IL18RAP: variants seen among roughly 807,000 people sequenced by gnomAD.
IL18RAP encodes the protein interleukin-18 receptor accessory protein.
In IL18RAP, 37 loss-of-function variants were observed where a neutral mutation model predicts 58.1. The ratio of observed to expected loss-of-function variants is 0.64; its 90% CI spans 0.49 to 0.84. IL18RAP has a LOEUF of 0.84. IL18RAP is among the 40% of genes least tolerant of loss of function. The pLI is 0.00. For synonymous variants in IL18RAP, 268 were observed against 257.5 expected, an observed-to-expected ratio of 1.04 and a Z score of -0.39; for missense variants, 667 against 704.8, an observed-to-expected ratio of 0.95 and a Z score of 0.61.
At position 102,424,143 on chromosome 2, in the gene IL18RAP, C is replaced by T. The variant is rs1681771882; in HGVS notation, c.395+8C>T. Reference sequence around the variant, plus strand: ...TAGACCCAAGATGATTAAGTATGATCCAAATACATTTCTATCTGAAAACAT... The same window carrying T: ...TAGACCCAAGATGATTAAGTATGATTCAAATACATTTCTATCTGAAAACAT... On this transcript the variant is annotated splice_region_variant and intron_variant, in intron 2 of 9. Transcript: ENST00000687160. The T allele has an allele frequency of 1.2e-6, 2 of 1,607,970 alleles. No individual in the cohort carries two copies. Among genetic ancestry groups the T allele is most frequent in the Non-Finnish European group, 1.7e-6 (2 of 1,175,796 alleles).
intron 3 of IL18RAP, among the ~76,000 whole-genome samples, chr2:102,432,531 G>A (rs1382508033): frequency 2.0e-5 from 3 of 152,206 alleles, no homozygotes; most frequent in African/African-American, 4.8e-5. Flanking sequence ...AGTTATCTGG[G>A]ATTGCTGCTC....
chr2:102,431,844 AT>A (rs1211376595), intron 3 of IL18RAP, among the ~76,000 whole-genome samples: 1 of 151,818 alleles, frequency 6.6e-6, no homozygotes. Context: ...AATTTATTTT[AT>A]TTTTATACAT....
In IL18RAP at chr2:102,437,246, G is replaced by A. The variant is rs1388254813; in HGVS notation, c.614G>A (p.Arg205Gln). ...GKLLSVERSNRIVVDEVYDYH... is the reference protein window; with the variant it reads ...GKLLSVERSNQIVVDEVYDYH... ...CTCCTCTCTGTGGAAAGGAGCAACC[G>A]AATCGTAGTGGATGAAGTTTATGAC... The change falls in exon 4 of 10, where the codon CGA becomes CAA. Residue 205 changes from arginine to glutamine, a missense_variant. Physicochemically the swap from Arg to Gln is conservative, Grantham distance 43 (BLOSUM62 1). Coordinates refer to ENST00000687160, the MANE Select transcript of IL18RAP (RefSeq NM_001393487.1). The A allele has an allele frequency of 2.1e-5, 34 of 1,612,694 alleles. No individual in the cohort carries two copies. Among genetic ancestry groups the A allele is most frequent in the Admixed American group, 5.0e-5 (3 of 59,770 alleles).
At chr2:102,451,625 C>G in intron 9 of IL18RAP, 141 bp from the exon 10 acceptor site, 3 of 682,628 alleles carry the variant, frequency 4.4e-6, no homozygotes, top group Non-Finnish European at 7.5e-6. Context: ...GTATCTCCAA[C>G]TGGCAATAGA....
Position 102,452,150 on chromosome 2 carries a change from C to A in IL18RAP, c.1769C>A (p.Thr590Asn). ...QWKGLSRTET[T>N]GRSSQPKEW ...AAAGGACTCAGTAGAACAGAAACCA[C>A]TGGGAGGAGCTCCCAGCCTAAGGAA... Residue 590 changes from threonine to asparagine, a missense_variant, in exon 10 of 10, where the codon ACT becomes AAT. Coordinates refer to ENST00000687160, the MANE Select transcript of IL18RAP (RefSeq NM_001393487.1). The A allele has an allele frequency of 1.2e-6, 2 of 1,611,082 alleles. No individual in the cohort carries two copies. The highest frequency in any genetic ancestry group is 8.5e-7 in the Non-Finnish European group (1 of 1,178,498).
intron 3 of IL18RAP, among the ~76,000 whole-genome samples, chr2:102,425,585 C>T (rs1181821628): frequency 6.6e-6 from 1 of 151,898 alleles, no homozygotes; most frequent in Non-Finnish European, 1.5e-5. Context: ...TAAGAAGAGC[C>T]AATAGTTTTG....
intron 3 of IL18RAP, among the ~76,000 whole-genome samples, chr2:102,430,103 C>T (rs530209800): frequency 1.3e-5 from 2 of 151,990 alleles, no homozygotes; most frequent in South Asian, 4.1e-4. Context: ...TAATTCAAGG[C>T]CAATTTTTGA....
chr2:102,437,125 T>A, intron 3 of IL18RAP, 87 bp from the exon 4 acceptor site: 1 of 1,287,690 alleles, frequency 7.8e-7, no homozygotes, highest in South Asian at 1.5e-5. Context: ...TCCTCCCTGT[T>A]CAAATTTGTA....
In IL18RAP at chr2:102,443,658, C is replaced by T. The variant is rs190362837; in HGVS notation, c.920+335C>T. Among the ~76,000 whole-genome samples the T allele has an allele frequency of 7.6e-4, 116 of 152,154 alleles. 1 individual carries two copies. Among genetic ancestry groups the T allele is most frequent in the Admixed American group, 2.7e-3 (42 of 15,286 alleles). ...CACTCTGCTTTTCACCGGTGCCACCCGTTCAGAGAGTGTGGGGGTACAGGG... is the reference window on the plus strand; with the variant it reads ...CACTCTGCTTTTCACCGGTGCCACCTGTTCAGAGAGTGTGGGGGTACAGGG... On this transcript the variant is annotated intron_variant, in intron 6 of 9. Transcript: ENST00000687160.
intron 3 of IL18RAP, among the ~76,000 whole-genome samples, chr2:102,427,589 T>C (rs1183502760): frequency 6.6e-6 from 1 of 152,154 alleles, no homozygotes; most frequent in Non-Finnish European, 1.5e-5. Context: ...TAATGCAGTG[T>C]TTGAGTTCCT....
At chr2:102,448,390 A>C (rs1683561378) in intron 8 of IL18RAP, among the ~76,000 whole-genome samples, 1 of 152,214 alleles carries the variant, frequency 6.6e-6, no homozygotes. Context: ...GTGCCTGTCA[A>C]TATTTGAGGC....
intron 4 of IL18RAP, 105 bp from the exon 5 acceptor site, chr2:102,441,207 A>G (rs533862433): frequency 5.0e-6 from 4 of 795,304 alleles, no homozygotes; most frequent in East Asian, 2.8e-5. Context: ...GTGAAGACAG[A>G]GCTCCAAGAC....
At chr2:102,447,625 AG>A (rs1397460538) in intron 8 of IL18RAP, among the ~76,000 whole-genome samples, 2 of 152,184 alleles carry the variant, frequency 1.3e-5, no homozygotes, top group African/African-American at 4.8e-5. Flanking sequence ...TCTATAAAAC[AG>A]GATTGTCATA....
intron 5 of IL18RAP, 131 bp downstream of exon 5, chr2:102,441,508 T>A: frequency 1.5e-6 from 1 of 680,498 alleles, no homozygotes; most frequent in Non-Finnish European, 2.6e-6. Context: ...AGCCATTGAC[T>A]AGTTTTGTGA....
At chr2:102,451,477 G>A (rs1683762435) in intron 9 of IL18RAP, among the ~76,000 whole-genome samples, 1 of 152,152 alleles carries the variant, frequency 6.6e-6, no homozygotes, top group Admixed American at 6.5e-5. Flanking sequence ...CCCCACCAAG[G>A]AGCCTGGGAT....
In IL18RAP at chr2:102,424,495, G is replaced by A. The variant is rs1681808133; in HGVS notation, c.579+81G>A. On this transcript the variant is annotated intron_variant, in intron 3 of 9. Transcript: ENST00000687160. ...TCATGGGCTTTTCATGGAAAAGCGT[G>A]TTTGAGAATCTGAGGTATACAGCTT... The A allele has an allele frequency of 4.6e-6, 6 of 1,300,662 alleles. No individual in the cohort carries two copies. The East Asian group carries it at 9.3e-5, about 20-fold the overall frequency. 80.6% of individuals were successfully genotyped at this position (1,300,662 alleles called of 1,614,324 possible).
rs1403922411 is a variant in IL18RAP at position 102,443,189 on chromosome 2, T to G, written c.797-11T>G. ...CTTCCTTCTTGTTTTCTCTGGCCTC[T>G]TCATTTTCAGGAAAGCCTTTAACTA... On this transcript the variant is annotated splice_polypyrimidine_tract_variant and intron_variant, in intron 5 of 9. Transcript: ENST00000687160. The G allele has an allele frequency of 2.5e-6, 4 of 1,606,946 alleles. No homozygotes were observed. The highest frequency in any genetic ancestry group is 3.4e-6 in the Non-Finnish European group (4 of 1,177,840).
At chr2:102,430,700 C>T (rs1398747794) in intron 3 of IL18RAP, among the ~76,000 whole-genome samples, 2 of 151,956 alleles carry the variant, frequency 1.3e-5, no homozygotes. Context: ...CTTTTATATT[C>T]ATATTTTGTG....
At chr2:102,428,486 C>G (rs543967970) in intron 3 of IL18RAP, among the ~76,000 whole-genome samples, 1 of 150,840 alleles carries the variant, frequency 6.6e-6, no homozygotes, top group East Asian at 1.9e-4. Context: ...GGCTTGTTTA[C>G]TTAATTTCCT....
Sources: gnomAD v4.1 joint callset for allele counts (sites outside exome capture counted in the v4.1 genomes callset) on GRCh38, gnomAD v4.1.1 for gene constraint, MANE v1.5 for transcripts, NCBI Gene and HGNC (gene_info 2026-07-23, HGNC 2026-07-21) for gene names.